Variants in PCDHA4 observed in about 807,000 individuals in gnomAD.
PCDHA4 encodes the protein protocadherin alpha 4, also known as protocadherin alpha-4.
PCDHA4 carries 49 observed loss-of-function variants against 61.4 expected under a neutral mutation model. The ratio of observed to expected loss-of-function variants is 0.80; its 90% CI spans 0.63 to 1.01. PCDHA4 has a LOEUF of 1.01. Ranked by LOEUF, PCDHA4 falls within the 50% of genes least tolerant of loss-of-function variation. The pLI is 0.00. For missense variants in PCDHA4, 1,254 were observed against 1,235.8 expected (o/e 1.01, Z -0.22); for synonymous variants, 590 against 550.3 (o/e 1.07, Z -1.01).
chr5:140,835,130 G>A, intron 1 of PCDHA4: 1 of 1,362,542 alleles, frequency 7.3e-7, no homozygotes, highest in Non-Finnish European at 1.0e-6. Flanking sequence ...TGTATACGGT[G>A]AAATTACCAG....
chr5:140,979,522 A>G (rs576025092), intron 2 of PCDHA4, among the ~76,000 whole-genome samples: 1 of 152,098 alleles, frequency 6.6e-6, no homozygotes, highest in South Asian at 2.1e-4. Context: ...ATCTGTTGCT[A>G]TCTTATTGTC....
intron 1 of PCDHA4, chr5:140,821,610 A>G (rs1049117332): frequency 1.3e-6 from 1 of 779,694 alleles, no homozygotes; most frequent in African/African-American, 1.7e-5. Context: ...GAATACAGTG[A>G]GTAGATTTTC....
intron 3 of PCDHA4, among the ~76,000 whole-genome samples, chr5:140,989,486 A>G (rs1563557204): frequency 6.6e-6 from 1 of 152,190 alleles, no homozygotes; most frequent in African/African-American, 2.4e-5. Context: ...AGGTGCTTGA[A>G]CAAGAAAGAC....
At chr5:140,812,287 T>G (rs1262930138) in intron 1 of PCDHA4, 2 of 152,076 alleles carry the variant, frequency 1.3e-5, no homozygotes, top group Non-Finnish European at 2.9e-5. Flanking sequence ...GGTTATTGAA[T>G]TTTTTGGTAT....
intron 1 of PCDHA4, among the ~76,000 whole-genome samples, chr5:140,832,629 T>G (rs1394763115): frequency 3.9e-5 from 6 of 152,122 alleles, no homozygotes; most frequent in Non-Finnish European, 8.8e-5. Context: ...TTTTAAAAAG[T>G]TCCTAGGAGG....
chr5:140,821,600 G>C, intron 1 of PCDHA4: 1 of 730,846 alleles, frequency 1.4e-6, no homozygotes, highest in Non-Finnish European at 2.1e-6. Context: ...AGCCTCAAAG[G>C]AATACAGTGA....
intron 1 of PCDHA4, among the ~76,000 whole-genome samples, chr5:140,917,561 C>T (rs1286710001): frequency 6.6e-6 from 1 of 152,214 alleles, no homozygotes; most frequent in Non-Finnish European, 1.5e-5. Flanking sequence ...ACTCTTTAAT[C>T]CATCTCAGGC....
chr5:140,943,505 T>C (rs938907371), intron 1 of PCDHA4, among the ~76,000 whole-genome samples: 13 of 152,106 alleles, frequency 8.5e-5, no homozygotes, highest in Non-Finnish European at 1.8e-4. Flanking sequence ...TCAAGGTTCA[T>C]GGAAATGTTG....
chr5:140,854,040 T>A, intron 1 of PCDHA4: 1 of 281,106 alleles, frequency 3.6e-6, no homozygotes, highest in Non-Finnish European at 5.5e-6. Flanking sequence ...CACACATCTC[T>A]AGTCCCAATT....
At chr5:140,989,546 CT>C (rs1343132361) in intron 3 of PCDHA4, among the ~76,000 whole-genome samples, 1 of 152,140 alleles carries the variant, frequency 6.6e-6, no homozygotes, top group African/African-American at 2.4e-5. Context: ...TTTGTAATTC[CT>C]TTACGTTTTG....
rs1210807010 is a variant in PCDHA4, at chr5:140,808,306, C to A, written c.1119C>A (p.Ser373Arg). Residue 373 changes from serine to arginine, a missense_variant, in exon 1 of 4, where the codon AGC becomes AGA. Coordinates refer to ENST00000530339, the MANE Select transcript of PCDHA4 (RefSeq NM_018907.4). ...APLGTVIALI[S>R]VSDKDMGVNG... is the part of the protein sequence containing the mutation. Reference sequence around the variant, plus strand: ...TGGGTACAGTCATCGCCCTGATCAGCGTGTCCGACAAAGACATGGGTGTCA... The same window carrying A: ...TGGGTACAGTCATCGCCCTGATCAGAGTGTCCGACAAAGACATGGGTGTCA... 4 of 1,614,254 alleles carry A rather than the reference C, an allele frequency of 2.5e-6. No individual in the cohort carries two copies. The highest frequency in any genetic ancestry group is 4.5e-5 in the East Asian group (2 of 44,880).
chr5:140,884,764 T>C (rs2060348326), intron 1 of PCDHA4: 1 of 1,417,012 alleles, frequency 7.1e-7, no homozygotes, highest in Non-Finnish European at 9.3e-7. Flanking sequence ...TATTCTTTAC[T>C]TTAATTTTAA....
chr5:140,940,195 T>C (rs2092570084), intron 1 of PCDHA4, among the ~76,000 whole-genome samples: 1 of 152,220 alleles, frequency 6.6e-6, no homozygotes, highest in African/African-American at 2.4e-5. Flanking sequence ...TTTACATGGG[T>C]GTAAAATTCA....
In PCDHA4 at chr5:140,978,986, C is replaced by T. The variant is rs138901709; in HGVS notation, c.2423C>T (p.Ser808Phe). The change falls in exon 2 of 4, where the codon TCC (serine) becomes TTC (phenylalanine). Residue 808 changes from serine (S) to phenylalanine (F), a missense_variant. Physicochemically the swap from Ser to Phe is radical, Grantham distance 155. Transcript: ENST00000530339. ...AACCCTGACTGGCGTTACTCTGCCT[C>T]CCTGAGAGCAGGCATGCACAGGTAT... Reference protein sequence around the residue: ...QPNPDWRYSASLRAGMHSSVH... With the variant: ...QPNPDWRYSAFLRAGMHSSVH... 56 of 1,614,072 alleles carry T rather than the reference C, an allele frequency of 3.5e-5. No individual in the cohort carries two copies. The highest frequency in any genetic ancestry group is 4.5e-5 in the Non-Finnish European group (53 of 1,180,028).
At chr5:140,891,504 A>G (rs1225432214) in intron 1 of PCDHA4, among the ~76,000 whole-genome samples, 1 of 151,662 alleles carries the variant, frequency 6.6e-6, no homozygotes, top group Non-Finnish European at 1.5e-5. Context: ...CTCAGCTATA[A>G]TGTTCTCCAA....
intron 1 of PCDHA4, chr5:140,884,465 G>C (rs782791774): frequency 1.2e-6 from 2 of 1,613,634 alleles, no homozygotes; most frequent in Admixed American, 3.3e-5. Context: ...GGGCGCGTGC[G>C]CGCCGGGCAA....
chr5:140,863,403 C>A (rs1554158174), intron 1 of PCDHA4: 1 of 835,368 alleles, frequency 1.2e-6, no homozygotes, highest in South Asian at 1.3e-5. Flanking sequence ...CGGGCAAGCC[C>A]ACGCTGGTGT....
chr5:140,823,474 C>T (rs17844296), intron 1 of PCDHA4: 6 of 1,613,348 alleles, frequency 3.7e-6, no homozygotes, highest in African/African-American at 1.3e-5. Flanking sequence ...GCTGCTGGTG[C>T]CTCGAGTGGG....
At chr5:140,857,658 G>A (rs17844344) in intron 1 of PCDHA4, 3 of 1,596,790 alleles carry the variant, frequency 1.9e-6, no homozygotes, top group East Asian at 2.2e-5. Context: ...GTGAGCGCGC[G>A]CGATGGGGGC....
Sources: gnomAD v4.1 joint callset for allele counts (sites outside exome capture counted in the v4.1 genomes callset) on GRCh38, gnomAD v4.1.1 for gene constraint, MANE v1.5 for transcripts, NCBI Gene and HGNC (gene_info 2026-07-23, HGNC 2026-07-21) for gene names.